XYLT2: variants seen among roughly 807,000 people sequenced by gnomAD.
XYLT2 encodes the protein xylosyltransferase 2.
A neutral mutation model predicts 82.6 loss-of-function variants in XYLT2; 37 were observed. The observed-to-expected ratio is 0.45, with a 90% CI of 0.34 to 0.59. The LOEUF (loss-of-function observed/expected upper bound fraction) is 0.59, where lower values mean the gene tolerates loss of function less well. Among genes scored for constraint, XYLT2 ranks in the 20% least tolerant of loss-of-function variants. The pLI is 0.01. For missense variants in XYLT2, 934 were observed against 1,181.3 expected (o/e 0.79, Z 3.07); for synonymous variants, 474 against 499.0 (o/e 0.95, Z 0.67).
rs747796685 is a variant in XYLT2 at position 50,360,218 on chromosome 17, C to T, written c.2525C>T (p.Thr842Ile). 5.0e-6 allele frequency: 8 copies of T among 1,613,906 alleles called. No homozygotes were observed. The highest frequency in any genetic ancestry group is 4.0e-5 in the African/African-American group (3 of 74,946). The change falls in exon 11 of 11, where the codon ACC (threonine) becomes ATC (isoleucine). Residue 842 changes from threonine (T) to isoleucine (I), a missense_variant. By Grantham distance (89) the Thr-to-Ile change is moderately conservative. This residue lies in a region of XYLT2 where 374 missense variants were observed against 465.6 expected (regional missense o/e 0.80). Transcript: ENST00000017003. ...PCPSLEPCRL[T>I]SWSSLSPDPK... ...CCCTCCCTGGAGCCCTGCAGACTGA[C>T]CAGCTGGAGCTCTCTGTCCCCCGAC...
Position 50,356,535 on chromosome 17 carries a change from G to A in XYLT2, c.1507G>A (p.Ala503Thr), listed in dbSNP as rs1912541187. Residue 503 changes from alanine (A) to threonine (T), a missense_variant, in exon 8 of 11, where the codon GCC becomes ACC. Physicochemically the swap from Ala to Thr is moderately conservative, Grantham distance 58. Transcript: ENST00000017003. ...GCAAGTCTCCAGACCCACCTTCTTC[G>A]CCCGGAAGTTCGAGTCGACTGTGAA... ...LQQVSRPTFF[A>T]RKFESTVNQE... 3 of 1,614,038 alleles carry A rather than the reference G, an allele frequency of 1.9e-6. No homozygotes were observed. The highest frequency in any genetic ancestry group is 2.2e-5 in the East Asian group (1 of 44,884).
In XYLT2 at chr17:50,356,168, C is replaced by A; in HGVS notation, c.1389C>A (p.Arg463=). ...DNNLRVTNWN[R]KLGCKCQYKH... ...ACCTGCGGGTCACCAACTGGAACCG[C>A]AAGCTGGGCTGCAAGTGCCAGTACA... Residue 463 remains arginine, a synonymous_variant, in exon 7 of 11, where the codon CGC becomes CGA. Transcript: ENST00000017003. The A allele has an allele frequency of 6.2e-7, 1 of 1,614,234 alleles. No homozygotes were observed. The highest frequency in any genetic ancestry group is 1.6e-4 in the Middle Eastern group (1 of 6,062).
At position 50,353,851 on chromosome 17, in the gene XYLT2, C is replaced by A; in HGVS notation, c.357C>A (p.Gly119=). The A allele has an allele frequency of 6.2e-7, 1 of 1,604,660 alleles. No individual in the cohort carries two copies. Among genetic ancestry groups the A allele is most frequent in the Non-Finnish European group, 8.5e-7 (1 of 1,177,274 alleles). The change falls in exon 2 of 11, where the codon GGC becomes GGA. Residue 119 remains glycine (G), a synonymous_variant. Coordinates refer to ENST00000017003, the MANE Select transcript of XYLT2 (RefSeq NM_022167.4). The part of the protein sequence containing the change: ...VPPAPPPEAP[G]RQNLSGAAAG... ...CTGCCCCACCCCCGGAAGCCCCAGG[C>A]CGCCAGAACCTGAGTGGGGCAGCAG...
chr17:50,358,357 G>A lies in XYLT2; in HGVS notation c.2092G>A (p.Ala698Thr). ...CTGGATCGACCCAACCTATGTGGTGGCCACATCTTATGACATCACAGTAGA... is the reference window on the plus strand; with the variant it reads ...CTGGATCGACCCAACCTATGTGGTGACCACATCTTATGACATCACAGTAGA... ...VVWIDPTYVVATSYDITVDTE... is the reference protein window; with the variant it reads ...VVWIDPTYVVTTSYDITVDTE... The change falls in exon 10 of 11, where the codon GCC becomes ACC. Residue 698 changes from alanine to threonine, a missense_variant. This residue lies in a region of XYLT2 where 374 missense variants were observed against 465.6 expected (regional missense o/e 0.80). Coordinates refer to ENST00000017003, the MANE Select transcript of XYLT2 (RefSeq NM_022167.4). 6.2e-7 allele frequency: 1 copy of A among 1,614,034 alleles called. No homozygotes were observed. The highest frequency in any genetic ancestry group is 1.1e-5 in the South Asian group (1 of 91,084).
Position 50,361,161 on chromosome 17 carries a change from C to CT in XYLT2, c.*871dup, listed in dbSNP as rs1912793764. On this transcript the variant is annotated 3_prime_UTR_variant, in exon 11 of 11. Coordinates refer to ENST00000017003, the MANE Select transcript of XYLT2 (RefSeq NM_022167.4). The stretch of plus-strand genomic sequence containing the variant: ...TATCTCTATCTCTCTACTCTGGGCT[C>CT]TGTGTTTTTCCTCCTGGGTGTCAGG... The CT allele has an allele frequency of 1.0e-6, 1 of 985,498 alleles. No individual in the cohort carries two copies. 61.0% of individuals were successfully genotyped at this position (985,498 alleles called of 1,614,324 possible).
Position 50,354,106 on chromosome 17 carries a change from G to A in XYLT2, c.612G>A (p.Arg204=), listed in dbSNP as rs200554333. 7.4e-5 allele frequency: 119 copies of A among 1,604,520 alleles called. 1 individual carries two copies. The South Asian group carries it at 1.2e-3, about 16-fold the overall frequency. The part of the protein sequence containing the change: ...AGSLMPKAVP[R]HCQLTGKMSP... The stretch of plus-strand genomic sequence containing the variant: ...GCCTCATGCCCAAGGCTGTGCCCCG[G>A]CACTGTCAGCTGACTGGTGAGGGAC... The change falls in exon 2 of 11, where the codon CGG becomes CGA. Residue 204 remains arginine (R), a synonymous_variant. Transcript: ENST00000017003.
At chr17:50,359,710 G>C (rs2143245630) in intron 10 of XYLT2, 1 of 508,410 alleles carries the variant, frequency 2.0e-6, no homozygotes, top group Non-Finnish European at 3.5e-6. Flanking sequence ...AAACCAGACT[G>C]TTCCCTTTTC....
chr17:50,357,313 G>T lies in XYLT2; in HGVS notation c.1941+61G>T, dbSNP rs1375740599. ...CCACCCAGACTTGGGGTAGTGGGAA[G>T]AGAGGGACAGACACCAAGGGAGGGG... On this transcript the variant is annotated intron_variant, in intron 9 of 10. Transcript: ENST00000017003. 3 of 1,453,790 alleles carry T rather than the reference G, an allele frequency of 2.1e-6. No individual in the cohort carries two copies. In the African/African-American group the frequency reaches 4.3e-5, roughly 21 times the overall value. The allele number at this position is 1,453,790 out of a possible 1,614,324, so 90.1% of individuals were successfully genotyped here.
chr17:50,355,615 A>T (rs373182920), intron 5 of XYLT2, 34 bp downstream of exon 5: 2 of 1,612,634 alleles, frequency 1.2e-6, no homozygotes, highest in East Asian at 2.2e-5. Flanking sequence ...CTGGCCCCAG[A>T]GTCTTGTCCC....
chr17:50,358,486 A>G lies in XYLT2; in HGVS notation c.2221A>G (p.Thr741Ala). 1 of 1,614,130 alleles carries G rather than the reference A, an allele frequency of 6.2e-7. No homozygotes were observed. The highest frequency in any genetic ancestry group is 8.5e-7 in the Non-Finnish European group (1 of 1,180,012). Residue 741 changes from threonine to alanine, a missense_variant, in exon 10 of 11, where the codon ACC (threonine) becomes GCC (alanine). Thr to Ala is a moderately conservative substitution (Grantham distance 58, BLOSUM62 0). Around this residue, in one of 3 missense-constraint regions of XYLT2, gnomAD observed 374 missense variants for 465.6 expected, o/e 0.80. Transcript: ENST00000017003. ...LLQFWEPLGE[T>A]RFLVLPLTFN... ...TCAGTTCTGGGAACCGCTGGGTGAG[A>G]CCCGCTTCCTTGTGCTGCCCTTGAC...
chr17:50,354,541 C>T lies in XYLT2; in HGVS notation c.762C>T (p.Ala254=), dbSNP rs150977138. The T allele has an allele frequency of 3.5e-5, 57 of 1,612,638 alleles. No homozygotes were observed. The highest frequency in any genetic ancestry group is 2.9e-4 in the African/African-American group (22 of 74,932). Residue 254 remains alanine, a synonymous_variant, in exon 3 of 11, where the codon GCC becomes GCT. Transcript: ENST00000017003. The part of the protein sequence containing the change: ...AIRQLKRLLK[A]VYHEQHFFYI... ...GCCAGCTGAAGCGTCTCCTCAAGGC[C>T]GTTTATCACGAGCAGCACTTCTTTT... is the stretch of plus-strand genomic sequence containing the variant.
Position 50,358,261 on chromosome 17 carries a change from C to T in XYLT2, c.1996C>T (p.Leu666=), listed in dbSNP as rs1459991413. Residue 666 remains leucine (L), a synonymous_variant, in exon 10 of 11, where the codon CTG becomes TTG. Coordinates refer to ENST00000017003, the MANE Select transcript of XYLT2 (RefSeq NM_022167.4). ...ERLFRNFGGL[L]GPLDEPVAVQ... ...TCTTTTCCGGAACTTTGGGGGGTTA[C>T]TGGGGCCGCTGGACGAGCCTGTGGC... is the stretch of plus-strand genomic sequence containing the variant. 3 of 1,612,428 alleles carry T rather than the reference C, an allele frequency of 1.9e-6. No individual in the cohort carries two copies. The South Asian group carries it at 3.3e-5, about 18-fold the overall frequency.
At position 50,360,128 on chromosome 17, in the gene XYLT2, C is replaced by A; in HGVS notation, c.2435C>A (p.Thr812Lys). 6.2e-7 allele frequency: 1 copy of A among 1,613,992 alleles called. No homozygotes were observed. Among genetic ancestry groups the A allele is most frequent in the Non-Finnish European group, 8.5e-7 (1 of 1,179,956 alleles). The stretch of plus-strand genomic sequence containing the variant: ...ACAGGCCCTGCGCTCGAGGCCTGGA[C>A]AGACAGGGAACTGAGCAGCTTCTGG... ...QLTGPALEAWTDRELSSFWSV... is the reference protein window; with the variant it reads ...QLTGPALEAWKDRELSSFWSV... Residue 812 changes from threonine (T) to lysine (K), a missense_variant, in exon 11 of 11, where the codon ACA becomes AAA. By Grantham distance (78) the Thr-to-Lys change is moderately conservative. Coordinates refer to ENST00000017003, the MANE Select transcript of XYLT2 (RefSeq NM_022167.4).
Position 50,358,178 on chromosome 17 carries a change from C to T in XYLT2, c.1942-29C>T, listed in dbSNP as rs749465791. On this transcript the variant is annotated intron_variant, in intron 9 of 10. Coordinates refer to ENST00000017003, the MANE Select transcript of XYLT2 (RefSeq NM_022167.4). ...GAGGGAGAAGGACCTTTCCCCCACA[C>T]TCCTGCCCAGCTGCCTCTCTCTCTA... 7.1e-6 allele frequency: 11 copies of T among 1,548,886 alleles called. 1 individual carries two copies. Among genetic ancestry groups the T allele is most frequent in the South Asian group, 1.2e-5 (1 of 82,316 alleles).
intron 7 of XYLT2, 72 bp from the exon 8 acceptor site, chr17:50,356,439 C>A: frequency 1.3e-6 from 2 of 1,580,388 alleles, no homozygotes; most frequent in South Asian, 1.2e-5. Flanking sequence ...CTAGGCAGTG[C>A]TGAGGGGCCA....
In XYLT2 at chr17:50,358,346, C is replaced by G. The variant is rs752545467; in HGVS notation, c.2081C>G (p.Thr694Ser). Residue 694 changes from threonine to serine, a missense_variant, in exon 10 of 11, where the codon ACC (threonine) becomes AGC (serine). Physicochemically the swap from Thr to Ser is moderately conservative, Grantham distance 58. This residue lies in a region of XYLT2 where 374 missense variants were observed against 465.6 expected (regional missense o/e 0.80). Coordinates refer to ENST00000017003, the MANE Select transcript of XYLT2 (RefSeq NM_022167.4). ...LTATVVWIDP[T>S]YVVATSYDIT... is the part of the protein sequence containing the mutation. ...GCCACAGTGGTCTGGATCGACCCAA[C>G]CTATGTGGTGGCCACATCTTATGAC... 1.5e-5 allele frequency: 25 copies of G among 1,613,950 alleles called. No homozygotes were observed. The South Asian group carries it at 2.5e-4, about 16-fold the overall frequency.
Position 50,357,137 on chromosome 17 carries a change from C to G in XYLT2, c.1826C>G (p.Ala609Gly). 2 of 1,613,674 alleles carry G rather than the reference C, an allele frequency of 1.2e-6. No homozygotes were observed. The highest frequency in any genetic ancestry group is 1.7e-6 in the Non-Finnish European group (2 of 1,179,928). ...DHFQGYLVTQ[A>G]VQPSAQGPAE... ...TTCCAGGGCTACCTGGTGACGCAGG[C>G]GGTGCAGCCCTCAGCCCAGGGGCCG... Residue 609 changes from alanine (A) to glycine (G), a missense_variant, in exon 9 of 11, where the codon GCG becomes GGG. Physicochemically the swap from Ala to Gly is moderately conservative, Grantham distance 60 (BLOSUM62 0). Around this residue, in one of 3 missense-constraint regions of XYLT2, gnomAD observed 374 missense variants for 465.6 expected, o/e 0.80. Transcript: ENST00000017003.
Position 50,354,415 on chromosome 17 carries a change from G to A in XYLT2, c.636G>A (p.Met212Ile), listed in dbSNP as rs1300485793. ...CCTGTCCTCTGCTCTCAGGGAAGAT[G>A]AGCCCCGGCATCCAGTGGGATGAGA... The part of the protein sequence containing the change: ...VPRHCQLTGK[M>I]SPGIQWDESQ... Residue 212 changes from methionine to isoleucine, a missense_variant, in exon 3 of 11, where the codon ATG becomes ATA. Physicochemically the swap from Met to Ile is conservative, Grantham distance 10. This residue lies in a region of XYLT2 where 371 missense variants were observed against 394.9 expected (regional missense o/e 0.94). Coordinates refer to ENST00000017003, the MANE Select transcript of XYLT2 (RefSeq NM_022167.4). The A allele has an allele frequency of 6.2e-7, 1 of 1,607,190 alleles. No homozygotes were observed.
At chr17:50,351,637 GA>G (rs201320343) in intron 1 of XYLT2, among the ~76,000 whole-genome samples, 5 of 150,874 alleles carry the variant, frequency 3.3e-5, no homozygotes, top group Non-Finnish European at 1.5e-5. Context: ...CTATCTAAAA[GA>G]AAAAAAAATG....
Sources: allele counts gnomAD v4.1 joint callset (sites outside exome capture counted in the v4.1 genomes callset), GRCh38; gene constraint gnomAD v4.1.1; regional missense constraint gnomAD v4.1.1; transcripts MANE v1.5; gene names NCBI Gene and HGNC (gene_info 2026-07-23, HGNC 2026-07-21).